DCUN1D2: variants seen among roughly 807,000 people sequenced by gnomAD.
DCUN1D2 encodes defective in cullin neddylation 1 domain containing 2.
DCUN1D2 carries 29 observed loss-of-function variants against 30.9 expected under a neutral mutation model. The observed-to-expected ratio is 0.94, with a 90% CI of 0.70 to 1.28. The LOEUF is 1.28. Among genes scored for constraint, DCUN1D2 ranks in the 50% most tolerant of loss-of-function variants. The pLI is 0.00. For synonymous variants in DCUN1D2, 121 were observed against 115.3 expected (o/e 1.05, Z -0.32); for missense variants, 325 against 316.9 (o/e 1.03, Z -0.19).
chr13:113,459,600 G>C, intron 5 of DCUN1D2, 192 bp from the exon 6 acceptor site: 1 of 432,960 alleles, frequency 2.3e-6, no homozygotes, highest in Non-Finnish European at 4.1e-6. Context: ...TCCAAATATA[G>C]AAAGCAGATT....
At chr13:113,467,716 T>A (rs771686803) in intron 4 of DCUN1D2, among the ~76,000 whole-genome samples, 6 of 152,108 alleles carry the variant, frequency 3.9e-5, no homozygotes, top group African/African-American at 7.2e-5. Flanking sequence ...TACCATACAT[T>A]CCAGTAATTC....
chr13:113,479,567 C>T (rs1224858983), intron 3 of DCUN1D2, among the ~76,000 whole-genome samples: 3 of 152,098 alleles, frequency 2.0e-5, no homozygotes, highest in African/African-American at 7.2e-5. Flanking sequence ...TCAAAACCAG[C>T]CTGGCCAATA....
intron 4 of DCUN1D2, among the ~76,000 whole-genome samples, chr13:113,471,835 T>A (rs1009470751): frequency 6.6e-6 from 1 of 152,192 alleles, no homozygotes; most frequent in African/African-American, 2.4e-5. Context: ...AAGCACTTCC[T>A]GGGGATCCAC....
chr13:113,466,848 C>T (rs2044412225), intron 4 of DCUN1D2, among the ~76,000 whole-genome samples: 1 of 149,220 alleles, frequency 6.7e-6, no homozygotes, highest in Admixed American at 6.7e-5. Flanking sequence ...GCTCTGTCGC[C>T]CAGGCTGGAG....
chr13:113,464,778 T>C lies in DCUN1D2; in HGVS notation c.521-3642A>G, dbSNP rs543296420. The stretch of plus-strand genomic sequence containing the variant: ...GAATCTGCCCAAGTTCCTGACCCAA[T>C]GGATCATGAGCTACCAAAATGACTG... On this transcript the variant is annotated intron_variant, in intron 4 of 6. Coordinates refer to ENST00000478244, the MANE Select transcript of DCUN1D2 (RefSeq NM_001014283.2). Among the ~76,000 whole-genome samples, 231 of 152,326 alleles carry C rather than the reference T, an allele frequency of 1.5e-3. 1 individual carries two copies. The highest frequency in any genetic ancestry group is 2.2e-3 in the Admixed American group (34 of 15,306).
In DCUN1D2 at chr13:113,490,474, C is replaced by T. The variant is rs908484421; in HGVS notation, c.3+193G>A. 1.4e-4 allele frequency: 75 copies of T among 548,352 alleles called. 1 individual carries two copies. In the East Asian group the frequency reaches 3.7e-3, roughly 27 times the overall value. 34.0% of individuals were successfully genotyped at this position (548,352 alleles called of 1,614,324 possible). A position where few individuals can be genotyped will look rare whatever the true frequency, so the allele number is the denominator to read the frequency against. On this transcript the variant is annotated intron_variant, in intron 1 of 6. Coordinates refer to ENST00000478244, the MANE Select transcript of DCUN1D2 (RefSeq NM_001014283.2). The surrounding 1 kb of genome is among the most constrained non-coding windows in gnomAD (Gnocchi z 5.2). Reference sequence around the variant, plus strand: ...CGGCTCCGGGTCAAACCCGCGCTCCCCGCGGTCCCGCGCCTCCGACGCCAC... The same window carrying T: ...CGGCTCCGGGTCAAACCCGCGCTCCTCGCGGTCCCGCGCCTCCGACGCCAC...
chr13:113,466,752 C>T (rs770422461), intron 4 of DCUN1D2, among the ~76,000 whole-genome samples: 9 of 150,172 alleles, frequency 6.0e-5, no homozygotes, highest in Non-Finnish European at 1.0e-4. Flanking sequence ...TCCAGGTGGA[C>T]GGGATGGCAT....
rs370160711 is a variant in DCUN1D2, at chr13:113,480,507, T to G, written c.389+68A>C. The G allele has an allele frequency of 1.2e-5, 19 of 1,559,242 alleles. No individual in the cohort carries two copies. In the African/African-American group the frequency reaches 2.0e-4, roughly 17 times the overall value. ...CAGATATGAAATTAGTATGTACAGG[T>G]TGCTGAAAAATAATGTTAGAAGTAT... On this transcript the variant is annotated intron_variant, in intron 3 of 6. Transcript: ENST00000478244.
At chr13:113,474,578 A>G (rs146925124) in intron 3 of DCUN1D2, among the ~76,000 whole-genome samples, 116 of 152,362 alleles carry the variant, frequency 7.6e-4, no homozygotes, top group African/African-American at 2.7e-3. Context: ...TCTCAGTAAA[A>G]TTATTAAAAG....
At chr13:113,471,202 C>T (rs1227785235) in intron 4 of DCUN1D2, among the ~76,000 whole-genome samples, 2 of 151,328 alleles carry the variant, frequency 1.3e-5, no homozygotes, top group African/African-American at 4.9e-5. Context: ...GGACCCAACT[C>T]CACAGAAGAC....
intron 4 of DCUN1D2, among the ~76,000 whole-genome samples, chr13:113,472,444 A>G (rs1485831467): frequency 6.6e-6 from 1 of 152,202 alleles, no homozygotes; most frequent in African/African-American, 2.4e-5. Flanking sequence ...AGGTGACTGG[A>G]CGAGCCCAGG....
chr13:113,456,627 A>G lies in DCUN1D2; in HGVS notation c.*1402T>C, dbSNP rs2044230593. 1 of 356,918 alleles carries G rather than the reference A, an allele frequency of 2.8e-6. No homozygotes were observed. Among genetic ancestry groups the G allele is most frequent in the Non-Finnish European group, 5.0e-6 (1 of 199,912 alleles). 22.1% of individuals were successfully genotyped at this position (356,918 alleles called of 1,614,324 possible). A position where few individuals can be genotyped will look rare whatever the true frequency, so the allele number is the denominator to read the frequency against. Reference sequence around the variant, plus strand: ...GGTCAACAGTGATGTCCACAACTCAATACCAGCCCTCCACACCTCGGCAGC... The same window carrying G: ...GGTCAACAGTGATGTCCACAACTCAGTACCAGCCCTCCACACCTCGGCAGC... On this transcript the variant is annotated 3_prime_UTR_variant, in exon 7 of 7. Transcript: ENST00000478244.
chr13:113,473,936 T>C (rs2044566870), intron 4 of DCUN1D2, among the ~76,000 whole-genome samples, 188 bp downstream of exon 4: 1 of 152,114 alleles, frequency 6.6e-6, no homozygotes. Flanking sequence ...GCCCAGGAGA[T>C]TGAGGCTGCA....
intron 1 of DCUN1D2, among the ~76,000 whole-genome samples, chr13:113,485,065 G>A (rs1158029274): frequency 3.4e-5 from 5 of 145,772 alleles, no homozygotes; most frequent in Non-Finnish European, 7.4e-5. Flanking sequence ...GCGACAGGGC[G>A]AGACTCTATC....
chr13:113,471,885 A>G (rs2044521926), intron 4 of DCUN1D2, among the ~76,000 whole-genome samples: 1 of 152,230 alleles, frequency 6.6e-6, no homozygotes. Context: ...GAGAGACGTC[A>G]ACAGAAGCCC....
intron 2 of DCUN1D2, among the ~76,000 whole-genome samples, chr13:113,482,761 G>A (rs2044732439): frequency 6.6e-6 from 1 of 152,162 alleles, no homozygotes; most frequent in South Asian, 2.1e-4. Flanking sequence ...TGGCCAACAT[G>A]GTGAAACCCC....
At position 113,456,346 on chromosome 13, in the gene DCUN1D2, C is replaced by G; in HGVS notation, c.*1683G>C. The G allele has an allele frequency of 2.5e-6, 1 of 398,810 alleles. No homozygotes were observed. Among genetic ancestry groups the G allele is most frequent in the Non-Finnish European group, 4.4e-6 (1 of 226,190 alleles). 24.7% of individuals were successfully genotyped at this position (398,810 alleles called of 1,614,324 possible). On this transcript the variant is annotated 3_prime_UTR_variant, in exon 7 of 7. Coordinates refer to ENST00000478244, the MANE Select transcript of DCUN1D2 (RefSeq NM_001014283.2). Reference sequence around the variant, plus strand: ...CTCTGTGACCATCTCTGCTAAGAAACATCGACAGTTCGTCCTGCAGCCTCC... The same window carrying G: ...CTCTGTGACCATCTCTGCTAAGAAAGATCGACAGTTCGTCCTGCAGCCTCC...
chr13:113,484,174 A>T, intron 1 of DCUN1D2, 118 bp from the exon 2 acceptor site: 2 of 1,502,986 alleles, frequency 1.3e-6, no homozygotes, highest in Non-Finnish European at 1.8e-6. Flanking sequence ...GCTCTTCATC[A>T]GTTACAAAGA....
chr13:113,490,654 C>A lies in DCUN1D2; in HGVS notation c.3+13G>T. On this transcript the variant is annotated intron_variant, in intron 1 of 6. Coordinates refer to ENST00000478244, the MANE Select transcript of DCUN1D2 (RefSeq NM_001014283.2). The surrounding 1 kb of genome is among the most constrained non-coding windows in gnomAD (Gnocchi z 5.2). The stretch of plus-strand genomic sequence containing the variant: ...CCGACCCCGACGGGCAGAGGCGACG[C>A]CGGGCCACCTACCATCTCCCCCGCG... The A allele has an allele frequency of 8.0e-7, 1 of 1,246,842 alleles. No homozygotes were observed. Among genetic ancestry groups the A allele is most frequent in the South Asian group, 2.8e-5 (1 of 35,960 alleles). The allele number at this position is 1,246,842 out of a possible 1,614,324, so 77.2% of individuals were successfully genotyped here.
Sources: allele counts gnomAD v4.1 joint callset (sites outside exome capture counted in the v4.1 genomes callset), GRCh38; gene constraint gnomAD v4.1.1; non-coding constraint Gnocchi (gnomAD v3.1); transcripts MANE v1.5; gene names NCBI Gene and HGNC (gene_info 2026-07-23, HGNC 2026-07-21).